The following RPSA variants were observed in gnomAD, a reference collection of about 807,000 sequenced individuals.
RPSA encodes the protein small ribosomal subunit protein uS2.
For synonymous variants in RPSA, 103 were observed against 126.7 expected, an observed-to-expected ratio of 0.81 and a Z score of 1.25; for missense variants, 140 against 372.8, an observed-to-expected ratio of 0.38 and a Z score of 5.14.
At chr3:39,407,432 CTA>C (rs2041935041) in intron 1 of RPSA, among the ~76,000 whole-genome samples, 187 bp from the exon 2 acceptor site, 1 of 152,144 alleles carries the variant, frequency 6.6e-6, no homozygotes, top group African/African-American at 2.4e-5. Context: ...GCCGTCCACA[CTA>C]TTTCCTCAGT....
At chr3:39,407,970 A>T (rs1434925290) in intron 2 of RPSA, 184 bp downstream of exon 2, 2 of 571,814 alleles carry the variant, frequency 3.5e-6, no homozygotes, top group East Asian at 6.1e-5. Context: ...GCTCCAGGGG[A>T]GGAATATGTC....
At chr3:39,410,493 T>C in intron 3 of RPSA, 2 of 487,064 alleles carry the variant, frequency 4.1e-6, no homozygotes, top group South Asian at 2.1e-5. Context: ...CTTGCTTGCT[T>C]GAGAAAAATA....
intron 1 of RPSA, 169 bp downstream of exon 1, chr3:39,406,933 T>G (rs3772144): frequency 6.6e-6 from 3 of 453,180 alleles, no homozygotes; most frequent in South Asian, 1.6e-5. Context: ...AGGCTCGGGC[T>G]GGCGGGTTCC....
Position 39,410,818 on chromosome 3 carries a change from G to C in RPSA, c.317G>C (p.Gly106Ala). ...ATPIAGRFTP[G>A]TFTNQIQAAF... is the part of the protein sequence containing the mutation. ...CCAATTGCTGGCCGCTTCACTCCTG[G>C]AACCTTCACTAACCAGATCCAGGCA... The change falls in exon 4 of 7, where the codon GGA becomes GCA. Residue 106 changes from glycine (G) to alanine (A), a missense_variant. Physicochemically the swap from Gly to Ala is moderately conservative, Grantham distance 60 (BLOSUM62 0). Transcript: ENST00000301821. 1 of 1,609,950 alleles carries C rather than the reference G, an allele frequency of 6.2e-7. No homozygotes were observed. Among genetic ancestry groups the C allele is most frequent in the Non-Finnish European group, 8.5e-7 (1 of 1,179,208 alleles).
chr3:39,408,013 A>G (rs1224428227), intron 2 of RPSA: 2 of 505,950 alleles, frequency 4.0e-6, no homozygotes, highest in African/African-American at 1.9e-5. Flanking sequence ...GGGTTGGGTC[A>G]TGAACATGAG....
chr3:39,409,629 A>G (rs55920963), intron 3 of RPSA, among the ~76,000 whole-genome samples: 40,733 of 152,156 alleles, frequency 0.27, 6,035 homozygotes, highest in Non-Finnish European at 0.32. Context: ...ATTTTCCCAT[A>G]GTCAAAGTTT....
chr3:39,408,382 A>T (rs760160875), intron 2 of RPSA: 1 of 735,124 alleles, frequency 1.4e-6, no homozygotes, highest in South Asian at 1.4e-5. Flanking sequence ...TAGCCAACTG[A>T]ATCTAGGCTG....
intron 3 of RPSA, among the ~76,000 whole-genome samples, chr3:39,409,596 A>T (rs185193328): frequency 1.4e-4 from 22 of 152,328 alleles, no homozygotes; most frequent in Admixed American, 7.8e-4. Context: ...ATATCTAGAA[A>T]TTCTATTAAA....
chr3:39,407,037 CG>C (rs1468147022), intron 1 of RPSA: 4 of 454,586 alleles, frequency 8.8e-6, no homozygotes, highest in Non-Finnish European at 1.3e-5. Flanking sequence ...GTGCAGAAAG[CG>C]GGCTAACATC....
chr3:39,412,067 T>C lies in RPSA; in HGVS notation c.793+6T>C. 2 of 1,610,948 alleles carry C rather than the reference T, an allele frequency of 1.2e-6. No homozygotes were observed. The highest frequency in any genetic ancestry group is 4.5e-5 in the East Asian group (2 of 44,886). On this transcript the variant is annotated splice_donor_region_variant and intron_variant, in intron 6 of 6. Coordinates refer to ENST00000301821, the MANE Select transcript of RPSA (RefSeq NM_002295.6). ...TATTCAGCAATTCCCTACTGGTATG[T>C]ATCAGGATAGAGGTGAATCAAGCTG...
chr3:39,409,836 T>TAAAA (rs56170792), intron 3 of RPSA, among the ~76,000 whole-genome samples: 6 of 151,674 alleles, frequency 4.0e-5, no homozygotes, highest in East Asian at 1.9e-4. Flanking sequence ...TCCTGTTTCT[T>TAAAA]AAAAAAGCCA....
chr3:39,406,845 T>C (rs2041923739), intron 1 of RPSA, 81 bp downstream of exon 1: 5 of 456,148 alleles, frequency 1.1e-5, no homozygotes, highest in South Asian at 3.1e-5. Context: ...GTGAGAAGAC[T>C]AGTGATGAAA....
At chr3:39,407,094 C>T (rs2125590762) in intron 1 of RPSA, 1 of 431,798 alleles carries the variant, frequency 2.3e-6, no homozygotes, top group African/African-American at 2.0e-5. Context: ...TGAGTCTAGG[C>T]CCAGGCGCTG....
intron 1 of RPSA, chr3:39,406,978 C>T (rs1426763546): frequency 1.1e-5 from 5 of 451,446 alleles, no homozygotes; most frequent in Non-Finnish European, 2.2e-5. Flanking sequence ...GGCCGCCCTC[C>T]AGCGGAGGCT....
At chr3:39,409,028 T>C (rs1338159740) in intron 3 of RPSA, 2 of 291,608 alleles carry the variant, frequency 6.9e-6, no homozygotes, top group East Asian at 7.2e-5. Flanking sequence ...GAGCTTGCAG[T>C]GAGCTGAGAT....
At chr3:39,407,528 A>C in intron 1 of RPSA, 93 bp from the exon 2 acceptor site, 1 of 890,110 alleles carries the variant, frequency 1.1e-6, no homozygotes, top group South Asian at 1.3e-5. Context: ...TCAATGCCTG[A>C]CACTATAGCA....
intron 4 of RPSA, 62 bp from the exon 5 acceptor site, chr3:39,411,587 A>C: frequency 6.3e-7 from 1 of 1,589,026 alleles, no homozygotes; most frequent in Non-Finnish European, 8.6e-7. Context: ...AAGAGCCAGG[A>C]AGGTGCTTGC....
Position 39,412,032 on chromosome 3 carries a change from C to T in RPSA, c.764C>T (p.Pro255Leu). ...GACTGGTCTGAAGGTGTACAGGTGC[C>T]CTCTGTGCCTATTCAGCAATTCCCT... is the stretch of plus-strand genomic sequence containing the variant. Reference protein sequence around the residue: ...VADWSEGVQVPSVPIQQFPTE... With the variant: ...VADWSEGVQVLSVPIQQFPTE... The change falls in exon 6 of 7, where the codon CCC (proline) becomes CTC (leucine). Residue 255 changes from proline to leucine, a missense_variant. By Grantham distance (98) the Pro-to-Leu change is moderately conservative (BLOSUM62 -3). Coordinates refer to ENST00000301821, the MANE Select transcript of RPSA (RefSeq NM_002295.6). 3 of 1,610,040 alleles carry T rather than the reference C, an allele frequency of 1.9e-6. No homozygotes were observed. Among genetic ancestry groups the T allele is most frequent in the Non-Finnish European group, 1.7e-6 (2 of 1,179,942 alleles).
chr3:39,410,614 G>A, intron 3 of RPSA, 140 bp from the exon 4 acceptor site: 1 of 907,026 alleles, frequency 1.1e-6, no homozygotes, highest in Non-Finnish European at 1.8e-6. Flanking sequence ...AGAAGTAAGA[G>A]AGGTTAAGGA....
Sources: gnomAD v4.1 joint callset for allele counts (sites outside exome capture counted in the v4.1 genomes callset) on GRCh38, gnomAD v4.1.1 for gene constraint, MANE v1.5 for transcripts, NCBI Gene and HGNC (gene_info 2026-07-23, HGNC 2026-07-21) for gene names.